TRAPPC9: variants seen among roughly 807,000 people sequenced by gnomAD.
TRAPPC9 encodes the protein IKK2 binding protein.
A neutral mutation model predicts 124.0 loss-of-function variants in TRAPPC9; 83 were observed. That is an observed-to-expected ratio of 0.67 (90% CI 0.56 to 0.80). TRAPPC9 has a LOEUF of 0.80. Among genes scored for constraint, TRAPPC9 ranks in the 30% least tolerant of loss-of-function variants. The pLI is 0.00. For missense variants in TRAPPC9, 1,302 were observed against 1,508.3 expected (o/e 0.86, Z 2.27); for synonymous variants, 638 against 617.5 (o/e 1.03, Z -0.49).
At chr8:139,958,728 C>T (rs1048856247) in intron 19 of TRAPPC9, among the ~76,000 whole-genome samples, 5 of 152,222 alleles carry the variant, frequency 3.3e-5, no homozygotes, top group Admixed American at 6.5e-5. Flanking sequence ...TTTACAGACA[C>T]GCCCCGAGGC....
chr8:140,393,291 C>T (rs1049163181), intron 7 of TRAPPC9, among the ~76,000 whole-genome samples: 3 of 152,020 alleles, frequency 2.0e-5, no homozygotes, highest in Non-Finnish European at 2.9e-5. Context: ...ATAACTATTC[C>T]AGGTCGCACA....
At position 139,767,790 on chromosome 8, in the gene TRAPPC9, T is replaced by C. The variant is rs537353679; in HGVS notation, c.3056-35588A>G. Among the ~76,000 whole-genome samples, 10 of 152,356 alleles carry C rather than the reference T, an allele frequency of 6.6e-5. No homozygotes were observed. In the South Asian group the frequency reaches 1.4e-3, roughly 22 times the overall value. On this transcript the variant is annotated intron_variant, in intron 21 of 22. Coordinates refer to ENST00000438773, the MANE Select transcript of TRAPPC9 (RefSeq NM_001160372.4). ...TCAAAGAATGCAGGCTGAGAGACTG[T>C]AGCACAATTCTTTTTGGCCTAGTAG...
intron 9 of TRAPPC9, among the ~76,000 whole-genome samples, chr8:140,340,329 T>C (rs2067159891): frequency 6.6e-6 from 1 of 152,240 alleles, no homozygotes; most frequent in Admixed American, 6.5e-5. Context: ...GCTAAAACTT[T>C]CAATAATACC....
intron 19 of TRAPPC9, among the ~76,000 whole-genome samples, chr8:139,957,115 C>T (rs957702288): frequency 1.4e-4 from 22 of 152,360 alleles, no homozygotes; most frequent in Non-Finnish European, 3.1e-4. Context: ...ATTTTCCTCA[C>T]AGGAGCTAAA....
chr8:140,456,964 A>G (rs2071690122), intron 1 of TRAPPC9: 1 of 294,654 alleles, frequency 3.4e-6, no homozygotes, highest in Non-Finnish European at 5.0e-6. Context: ...GGAGAAGACC[A>G]CAGGCCAGTA....
intron 18 of TRAPPC9, among the ~76,000 whole-genome samples, chr8:140,012,355 C>T (rs188524491): frequency 6.6e-6 from 1 of 152,264 alleles, no homozygotes; most frequent in East Asian, 1.9e-4. Context: ...CTATCACGTG[C>T]CAGTCATCTG....
intron 17 of TRAPPC9, among the ~76,000 whole-genome samples, chr8:140,024,831 G>A (rs1023736978): frequency 2.0e-5 from 3 of 152,126 alleles, no homozygotes; most frequent in Non-Finnish European, 2.9e-5. Context: ...GGTGACAGGC[G>A]GGGGCGGGGG....
At chr8:140,430,496 T>C (rs545508388) in intron 4 of TRAPPC9, among the ~76,000 whole-genome samples, 2 of 152,276 alleles carry the variant, frequency 1.3e-5, no homozygotes, top group South Asian at 4.1e-4. Flanking sequence ...GCACACGGGA[T>C]GTTCTGCTCC....
At chr8:140,301,648 G>A (rs963716977) in intron 10 of TRAPPC9, among the ~76,000 whole-genome samples, 5 of 152,338 alleles carry the variant, frequency 3.3e-5, no homozygotes, top group Middle Eastern at 6.8e-3. Context: ...CAGGAAGACT[G>A]ATAGTGACAC....
Position 140,256,523 on chromosome 8 carries a change from C to T in TRAPPC9, c.2279-3594G>A, listed in dbSNP as rs548019096. Among the ~76,000 whole-genome samples the T allele has an allele frequency of 1.2e-4, 18 of 151,252 alleles. No homozygotes were observed. The South Asian group carries it at 2.7e-3, about 23-fold the overall frequency. On this transcript the variant is annotated intron_variant, in intron 15 of 22. Coordinates refer to ENST00000438773, the MANE Select transcript of TRAPPC9 (RefSeq NM_001160372.4). ...TGCCTACTCGATGTGACCTCCTCCA[C>T]GCAGGACCCCCGGGCAGGCCCACCT...
chr8:140,356,680 G>A (rs991812476), intron 9 of TRAPPC9, among the ~76,000 whole-genome samples: 3 of 151,570 alleles, frequency 2.0e-5, no homozygotes, highest in Admixed American at 1.3e-4. Context: ...CATGATCTCG[G>A]CTCACTGCAA....
At chr8:140,053,304 G>A (rs1472663807) in intron 17 of TRAPPC9, among the ~76,000 whole-genome samples, 1 of 152,206 alleles carries the variant, frequency 6.6e-6, no homozygotes, top group African/African-American at 2.4e-5. Context: ...ACCAGCACCA[G>A]GATGAGGCTG....
intron 21 of TRAPPC9, among the ~76,000 whole-genome samples, chr8:139,796,134 A>AAGGAGGAGGAAGAGGAGGAGGAAG (rs1200867251): frequency 8.1e-6 from 1 of 123,798 alleles, no homozygotes; most frequent in Non-Finnish European, 1.8e-5. Flanking sequence ...GGAAGAGGAG[A>AAGGAGGAGGAAGAGGAGGAGGAAG]AGGAGGAGGA....
At chr8:139,919,280 A>G (rs1832355155) in intron 19 of TRAPPC9, among the ~76,000 whole-genome samples, 3 of 152,168 alleles carry the variant, frequency 2.0e-5, no homozygotes, top group South Asian at 2.1e-4. Context: ...TTGATCCACA[A>G]CGTGGATCTC....
chr8:140,087,247 G>A lies in TRAPPC9; in HGVS notation c.2557-63168C>T, dbSNP rs956359683. Among the ~76,000 whole-genome samples the A allele has an allele frequency of 2.6e-5, 4 of 151,750 alleles. No individual in the cohort carries two copies. The highest frequency in any genetic ancestry group is 5.9e-5 in the Non-Finnish European group (4 of 67,970). The stretch of plus-strand genomic sequence containing the variant: ...CCTGGCTCTTCCTCCTCTGTCTCCC[G>A]TGCCCTCCCCCCGGCCCCATCACCC... On this transcript the variant is annotated intron_variant, in intron 17 of 22. Coordinates refer to ENST00000438773, the MANE Select transcript of TRAPPC9 (RefSeq NM_001160372.4). This position sits in a 1 kb window ranked among gnomAD's most constrained non-coding sequence, Gnocchi z 4.6.
At chr8:140,272,024 G>A (rs1266882769) in intron 15 of TRAPPC9, among the ~76,000 whole-genome samples, 2 of 151,306 alleles carry the variant, frequency 1.3e-5, no homozygotes, top group Non-Finnish European at 2.9e-5. Flanking sequence ...GGGTGATGGT[G>A]GCAGTGGTAA....
At chr8:140,153,532 C>T (rs76725667) in intron 17 of TRAPPC9, among the ~76,000 whole-genome samples, 8,895 of 152,056 alleles carry the variant, frequency 0.058, 451 homozygotes, top group African/African-American at 0.14. Flanking sequence ...ATGTTTATGG[C>T]TCTGTCTTTC....
intron 17 of TRAPPC9, among the ~76,000 whole-genome samples, chr8:140,191,668 A>C (rs1359319493): frequency 6.6e-6 from 1 of 152,214 alleles, no homozygotes; most frequent in African/African-American, 2.4e-5. Context: ...GCCTGTGCAG[A>C]ACCATGAGGC....
chr8:140,269,553 A>AAAAT (rs61634673), intron 15 of TRAPPC9, among the ~76,000 whole-genome samples: 4,525 of 113,796 alleles, frequency 0.04, 86 homozygotes, highest in African/African-American at 0.064. Context: ...AAAATAAAAT[A>AAAAT]AAATAAATAA....
Sources: gnomAD v4.1 joint callset for allele counts (sites outside exome capture counted in the v4.1 genomes callset) on GRCh38, gnomAD v4.1.1 for gene constraint, Gnocchi (gnomAD v3.1) non-coding constraint, MANE v1.5 for transcripts, NCBI Gene and HGNC (gene_info 2026-07-23, HGNC 2026-07-21) for gene names.